SLC44A5: variants seen among roughly 807,000 people sequenced by gnomAD.
SLC44A5 encodes solute carrier family 44 member 5.
In SLC44A5, 57 loss-of-function variants were observed where a neutral mutation model predicts 101.8. The ratio of observed to expected loss-of-function variants is 0.56; its 90% CI spans 0.45 to 0.70. SLC44A5 has a LOEUF of 0.70. Ranked by LOEUF, SLC44A5 falls within the 30% of genes least tolerant of loss-of-function variation. The probability of loss-of-function intolerance (pLI) is 0.00; values close to 1 mark genes in which losing one functional copy is unlikely to be tolerated. For synonymous variants in SLC44A5, 281 were observed against 290.9 expected, an observed-to-expected ratio of 0.97 and a Z score of 0.35; for missense variants, 737 against 853.1, an observed-to-expected ratio of 0.86 and a Z score of 1.70.
chr1:75,249,502 A>AAAT (rs1368701288), intron 7 of SLC44A5, among the ~76,000 whole-genome samples: 1 of 152,120 alleles, frequency 6.6e-6, no homozygotes, highest in Non-Finnish European at 1.5e-5. Context: ...AAAGGACAGA[A>AAAT]AATCACCTCC....
the SLC44A5 span, among the ~76,000 whole-genome samples, chr1:75,682,885 C>T: frequency 3.3e-5 from 5 of 152,112 alleles, no homozygotes; most frequent in African/African-American, 7.2e-5. Flanking sequence ...CCAGAATCTA[C>T]AATGAACTCA....
chr1:75,721,617 A>G, the SLC44A5 span, among the ~76,000 whole-genome samples: 1 of 152,220 alleles, frequency 6.6e-6, no homozygotes, highest in African/African-American at 2.4e-5. Context: ...CCTTTGAAGT[A>G]TCCTTATCCA....
At chr1:75,593,793 T>G (rs1041190559) in intron 1 of SLC44A5, among the ~76,000 whole-genome samples, 9 of 151,870 alleles carry the variant, frequency 5.9e-5, no homozygotes, top group Admixed American at 5.2e-4. Context: ...TCAAAACAAT[T>G]GAACTCATGG....
intron 3 of SLC44A5, among the ~76,000 whole-genome samples, chr1:75,345,639 G>C (rs529837650): frequency 1.3e-5 from 2 of 152,108 alleles, no homozygotes; most frequent in African/African-American, 4.8e-5. Flanking sequence ...TAGAAGGAGA[G>C]AAATTTTAAC....
At chr1:75,652,920 C>T in the SLC44A5 span, among the ~76,000 whole-genome samples, 1 of 152,164 alleles carries the variant, frequency 6.6e-6, no homozygotes, top group Non-Finnish European at 1.5e-5. Flanking sequence ...CTTATATTCC[C>T]CTGGACAATT....
chr1:75,652,048 TG>T, the SLC44A5 span, among the ~76,000 whole-genome samples: 1 of 152,060 alleles, frequency 6.6e-6, no homozygotes, highest in Non-Finnish European at 1.5e-5. Context: ...AGAGGCAAAA[TG>T]GTGGAGTTTA....
chr1:75,698,528 C>G, the SLC44A5 span, among the ~76,000 whole-genome samples: 1,358 of 152,298 alleles, frequency 8.9e-3, 9 homozygotes, highest in African/African-American at 0.031. Flanking sequence ...AAGACCAAAA[C>G]TAGATAAAAC....
chr1:75,295,510 C>A (rs1357587606), intron 5 of SLC44A5, among the ~76,000 whole-genome samples: 1 of 152,176 alleles, frequency 6.6e-6, no homozygotes, highest in Non-Finnish European at 1.5e-5. Flanking sequence ...AAAATACCCT[C>A]AAAGGGAACT....
chr1:75,405,583 G>C (rs1662796091), intron 2 of SLC44A5, among the ~76,000 whole-genome samples: 1 of 152,058 alleles, frequency 6.6e-6, no homozygotes, highest in Non-Finnish European at 1.5e-5. Flanking sequence ...CATGAAAACT[G>C]AACAACCTGC....
the SLC44A5 span, among the ~76,000 whole-genome samples, chr1:75,698,086 G>A: frequency 6.6e-6 from 1 of 152,202 alleles, no homozygotes; most frequent in Non-Finnish European, 1.5e-5. Flanking sequence ...AGGGGTGTCC[G>A]CCATTGCCCA....
chr1:75,219,754 A>T (rs1647037763), intron 15 of SLC44A5, 46 bp downstream of exon 15: 1 of 1,162,538 alleles, frequency 8.6e-7, no homozygotes, highest in Non-Finnish European at 1.3e-6. Flanking sequence ...GTTCACGAGT[A>T]GTCATGTGAA....
At chr1:75,260,580 C>T (rs536013639) in intron 6 of SLC44A5, among the ~76,000 whole-genome samples, 64 of 152,186 alleles carry the variant, frequency 4.2e-4, no homozygotes, top group African/African-American at 1.5e-3. Context: ...TAGTGGGAGA[C>T]TTTAACACCC....
At chr1:75,550,995 TAGAA>T (rs1167036558) in intron 1 of SLC44A5, among the ~76,000 whole-genome samples, 1 of 152,292 alleles carries the variant, frequency 6.6e-6, no homozygotes, top group African/African-American at 2.4e-5. Context: ...TAATTGTTGT[TAGAA>T]AGAAGTTAGG....
the SLC44A5 span, among the ~76,000 whole-genome samples, chr1:75,714,849 T>A: frequency 6.6e-6 from 1 of 152,122 alleles, no homozygotes; most frequent in African/African-American, 2.4e-5. Flanking sequence ...AATTTTTGTA[T>A]TTTTAGTAGA....
At chr1:75,633,708 T>C in the SLC44A5 span, among the ~76,000 whole-genome samples, 4 of 151,812 alleles carry the variant, frequency 2.6e-5, no homozygotes, top group Admixed American at 1.3e-4. Context: ...TGAATACCCT[T>C]TATTTCCTTC....
intron 5 of SLC44A5, among the ~76,000 whole-genome samples, chr1:75,296,205 G>T (rs1383422920): frequency 6.6e-6 from 1 of 151,960 alleles, no homozygotes; most frequent in Non-Finnish European, 1.5e-5. Flanking sequence ...TTACTGCTGT[G>T]CTTTGGCTTG....
At chr1:75,466,120 A>G (rs572291008) in intron 2 of SLC44A5, among the ~76,000 whole-genome samples, 53 of 152,326 alleles carry the variant, frequency 3.5e-4, no homozygotes, top group African/African-American at 1.2e-3. Flanking sequence ...TGACACAAAT[A>G]TCTTCAACAA....
chr1:75,300,603 T>G lies in SLC44A5; in HGVS notation c.175+9A>C, dbSNP rs754139023. ...GTGTTAAATATTTTCTATACCTGTATTTACTCACCCACAAGTCCTAAAACA... is the reference window on the plus strand; with the variant it reads ...GTGTTAAATATTTTCTATACCTGTAGTTACTCACCCACAAGTCCTAAAACA... On this transcript the variant is annotated intron_variant, in intron 5 of 23. Coordinates refer to ENST00000370859, the MANE Select transcript of SLC44A5 (RefSeq NM_001130058.2). The G allele has an allele frequency of 4.4e-6, 7 of 1,575,188 alleles. 1 individual carries two copies. In the East Asian group the frequency reaches 1.6e-4, roughly 36 times the overall value.
chr1:75,223,635 C>A (rs1373637112), intron 13 of SLC44A5, among the ~76,000 whole-genome samples: 1 of 152,134 alleles, frequency 6.6e-6, no homozygotes, highest in African/African-American at 2.4e-5. Context: ...GGTTATTTAG[C>A]TCATGCTTGA....
Sources: gnomAD v4.1 joint callset for allele counts (sites outside exome capture counted in the v4.1 genomes callset) on GRCh38, gnomAD v4.1.1 for gene constraint, MANE v1.5 for transcripts, NCBI Gene and HGNC (gene_info 2026-07-23, HGNC 2026-07-21) for gene names.